Variants in TWIST2 observed in about 807,000 individuals in gnomAD.
TWIST2 encodes twist family bHLH transcription factor 2.
Under a neutral mutation model 11.6 loss-of-function variants are expected in TWIST2, and 1 was observed. The observed-to-expected ratio is 0.09, with a 90% CI of 0.03 to 0.41. The LOEUF (loss-of-function observed/expected upper bound fraction) is 0.41, where lower values mean the gene tolerates loss of function less well. Ranked by LOEUF, TWIST2 falls within the 10% of genes least tolerant of loss-of-function variation. TWIST2 has a pLI of 0.98. For missense variants in TWIST2, 168 were observed against 226.4 expected (o/e 0.74, Z 1.66); for synonymous variants, 87 against 96.6 (o/e 0.90, Z 0.58).
chr2:238,900,468 T>C (rs1345900835), intron 1 of TWIST2, among the ~76,000 whole-genome samples: 1 of 152,240 alleles, frequency 6.6e-6, no homozygotes, highest in Non-Finnish European at 1.5e-5. Flanking sequence ...TTGCTTGTTT[T>C]GCACTGGGGG....
intron 1 of TWIST2, among the ~76,000 whole-genome samples, chr2:238,904,237 GGT>G (rs1401975304): frequency 1.7e-4 from 22 of 126,054 alleles, no homozygotes; most frequent in Non-Finnish European, 3.5e-4. Context: ...TGTGATGTGG[GGT>G]GTGTGTGATG....
At chr2:238,877,337 A>C (rs1692825368) in intron 1 of TWIST2, among the ~76,000 whole-genome samples, 1 of 152,174 alleles carries the variant, frequency 6.6e-6, no homozygotes, top group Non-Finnish European at 1.5e-5. Flanking sequence ...AGAAATAGAC[A>C]TAGGGCTATT....
chr2:238,861,457 C>G (rs1173065108), intron 1 of TWIST2, among the ~76,000 whole-genome samples: 1 of 151,980 alleles, frequency 6.6e-6, no homozygotes, highest in Non-Finnish European at 1.5e-5. Flanking sequence ...AGAAAGGGCA[C>G]CTCCATCACT....
intron 1 of TWIST2, among the ~76,000 whole-genome samples, chr2:238,861,252 C>T (rs557316829): frequency 6.6e-6 from 1 of 152,212 alleles, no homozygotes; most frequent in South Asian, 2.1e-4. Context: ...GGCGCAGAGC[C>T]CAGCTGCTTT....
At chr2:238,854,391 A>G (rs1021195492) in intron 1 of TWIST2, among the ~76,000 whole-genome samples, 1 of 152,078 alleles carries the variant, frequency 6.6e-6, no homozygotes, top group South Asian at 2.1e-4. Flanking sequence ...GACTGACGGG[A>G]AAGATTTGGG....
At chr2:238,880,845 ACT>A (rs1692909149) in intron 1 of TWIST2, among the ~76,000 whole-genome samples, 1 of 118,770 alleles carries the variant, frequency 8.4e-6, no homozygotes, top group South Asian at 2.9e-4. Flanking sequence ...TAGTGTTAGT[ACT>A]AGTATTTATT....
chr2:238,851,027 G>T (rs1692232343), intron 1 of TWIST2, among the ~76,000 whole-genome samples: 1 of 152,182 alleles, frequency 6.6e-6, no homozygotes, highest in South Asian at 2.1e-4. Context: ...TTGATTTCCT[G>T]AAAATGTTGC....
At chr2:238,903,175 G>T (rs1319928682) in intron 1 of TWIST2, among the ~76,000 whole-genome samples, 7 of 144,140 alleles carry the variant, frequency 4.9e-5, no homozygotes, top group African/African-American at 1.0e-4. Flanking sequence ...GTGGGATGTA[G>T]TTGTGTGATG....
At chr2:238,848,811 C>A in intron 1 of TWIST2, 78 bp downstream of exon 1, 1 of 1,159,788 alleles carries the variant, frequency 8.6e-7, no homozygotes, top group Non-Finnish European at 1.1e-6. Flanking sequence ...GGGGCCTGCT[C>A]GTGTCTCCTC....
intron 1 of TWIST2, among the ~76,000 whole-genome samples, chr2:238,904,314 A>C (rs1421534051): frequency 0.014 from 1,566 of 111,592 alleles, 9 homozygotes; most frequent in Middle Eastern, 0.059. Flanking sequence ...GTCTAATGTG[A>C]GGTGTGTGTG....
intron 1 of TWIST2, among the ~76,000 whole-genome samples, chr2:238,894,927 T>C (rs1693190090): frequency 6.6e-6 from 1 of 152,274 alleles, no homozygotes; most frequent in Non-Finnish European, 1.5e-5. Context: ...GCAAGCTTGT[T>C]GCAGACCTGA....
At chr2:238,881,793 A>C (rs1324011258) in intron 1 of TWIST2, among the ~76,000 whole-genome samples, 1 of 152,140 alleles carries the variant, frequency 6.6e-6, no homozygotes, top group East Asian at 1.9e-4. Flanking sequence ...CTACATAAGG[A>C]AATGTTATCC....
intron 1 of TWIST2, among the ~76,000 whole-genome samples, chr2:238,892,910 T>G (rs1413186388): frequency 6.6e-6 from 1 of 152,212 alleles, no homozygotes; most frequent in African/African-American, 2.4e-5. Context: ...TCAACAGAGA[T>G]CAGTTTTATT....
chr2:238,905,506 C>G (rs1329702110), intron 1 of TWIST2, among the ~76,000 whole-genome samples: 1 of 152,132 alleles, frequency 6.6e-6, no homozygotes, highest in African/African-American at 2.4e-5. Flanking sequence ...GACTAATGAA[C>G]CTGCCGCCCG....
At chr2:238,862,237 A>G (rs1258145947) in intron 1 of TWIST2, among the ~76,000 whole-genome samples, 6 of 152,256 alleles carry the variant, frequency 3.9e-5, no homozygotes, top group African/African-American at 9.6e-5. Flanking sequence ...TAGCAAAATA[A>G]TAACTCACTA....
chr2:238,848,298 G>A lies in TWIST2; in HGVS notation c.83G>A (p.Arg28His), dbSNP rs930389695. ...SEEELERQPK[R>H]FGRKRRYSKK... ...GAGGAGCTCGAGAGGCAGCCCAAGC[G>A]CTTCGGCCGGAAGCGGCGCTACAGC... is the stretch of plus-strand genomic sequence containing the variant. The change falls in exon 1 of 2, where the codon CGC (arginine) becomes CAC (histidine). Residue 28 changes from arginine to histidine, a missense_variant. Physicochemically the swap from Arg to His is conservative, Grantham distance 29. Transcript: ENST00000612363. 5 of 1,533,128 alleles carry A rather than the reference G, an allele frequency of 3.3e-6. No individual in the cohort carries two copies. Among genetic ancestry groups the A allele is most frequent in the Non-Finnish European group, 4.4e-6 (5 of 1,145,072 alleles). The allele number at this position is 1,533,128 out of a possible 1,614,324, so 95.0% of individuals were successfully genotyped here.
intron 1 of TWIST2, among the ~76,000 whole-genome samples, chr2:238,908,245 A>G (rs1345028439): frequency 7.0e-6 from 1 of 143,030 alleles, no homozygotes; most frequent in African/African-American, 2.6e-5. Flanking sequence ...AATCCCCCAA[A>G]CACACACCAC....
intron 1 of TWIST2, among the ~76,000 whole-genome samples, chr2:238,907,931 C>T (rs1486080193): frequency 7.0e-6 from 1 of 143,548 alleles, no homozygotes; most frequent in African/African-American, 2.7e-5. Flanking sequence ...CTACACCACA[C>T]ACAAACACAC....
At position 238,867,010 on chromosome 2, in the gene TWIST2, G is replaced by T. The variant is rs1331925616; in HGVS notation, c.*35+18277G>T. On this transcript the variant is annotated intron_variant, in intron 1 of 1. Transcript: ENST00000612363. The surrounding 1 kb of genome is among the most constrained non-coding windows in gnomAD (Gnocchi z 4.8). ...AAACTACACTGTGTCTGATGCAAACGCATGTTTTCTGTGCATCTGTGATTT... is the reference window on the plus strand; with the variant it reads ...AAACTACACTGTGTCTGATGCAAACTCATGTTTTCTGTGCATCTGTGATTT... Among the ~76,000 whole-genome samples the T allele has an allele frequency of 2.0e-5, 3 of 152,130 alleles. No individual in the cohort carries two copies. The highest frequency in any genetic ancestry group is 4.4e-5 in the Non-Finnish European group (3 of 68,026).
Sources: gnomAD v4.1 joint callset for allele counts (sites outside exome capture counted in the v4.1 genomes callset) on GRCh38, gnomAD v4.1.1 for gene constraint, Gnocchi (gnomAD v3.1) non-coding constraint, MANE v1.5 for transcripts, NCBI Gene and HGNC (gene_info 2026-07-23, HGNC 2026-07-21) for gene names.